Variants in PLPP4 observed in about 807,000 individuals in gnomAD.
The protein encoded by PLPP4 is diacylglycerol pyrophosphate like 2.
In PLPP4, 20 loss-of-function variants were observed where a neutral mutation model predicts 32.2. That is an observed-to-expected ratio of 0.62 (90% CI 0.44 to 0.90). PLPP4 has a LOEUF of 0.90. PLPP4 is among the 40% of genes least tolerant of loss of function. PLPP4 has a pLI of 0.00. For synonymous variants in PLPP4, 127 were observed against 133.0 expected (o/e 0.95, Z 0.31); for missense variants, 257 against 353.1 (o/e 0.73, Z 2.18).
chr10:120,514,671 A>G (rs903750458), intron 3 of PLPP4, among the ~76,000 whole-genome samples: 1 of 152,206 alleles, frequency 6.6e-6, no homozygotes, highest in African/African-American at 2.4e-5. Flanking sequence ...TGATAATCAA[A>G]TCCTGAGTAA....
intron 3 of PLPP4, among the ~76,000 whole-genome samples, chr10:120,514,282 C>T (rs72836013): frequency 0.09 from 13,653 of 152,174 alleles, 802 homozygotes; most frequent in South Asian, 0.17. Flanking sequence ...GCGCAGACTC[C>T]GGGTAGCTCT....
At chr10:120,581,492 T>A (rs1466933566) in intron 6 of PLPP4, 2 of 161,896 alleles carry the variant, frequency 1.2e-5, no homozygotes, top group Non-Finnish European at 2.6e-5. Context: ...CTCATTTCAC[T>A]CAGCATCACA....
At chr10:120,513,814 A>G (rs1328108348) in intron 2 of PLPP4, 97 bp from the exon 3 acceptor site, 1 of 908,076 alleles carries the variant, frequency 1.1e-6, no homozygotes, top group African/African-American at 1.7e-5. Flanking sequence ...TTATTCAACC[A>G]GGGAGTCTAA....
intron 5 of PLPP4, among the ~76,000 whole-genome samples, chr10:120,574,166 ACACTCTCT>A (rs1564850197): frequency 2.3e-3 from 108 of 47,986 alleles, no homozygotes; most frequent in Middle Eastern, 0.012. Context: ...ACACACACAC[ACACTCTCT>A]CTCTCTCTCT....
chr10:120,504,518 G>A (rs1845407572), intron 2 of PLPP4, among the ~76,000 whole-genome samples: 2 of 152,378 alleles, frequency 1.3e-5, no homozygotes, highest in South Asian at 4.1e-4. Context: ...ACATGCCTGA[G>A]TAAGCCAAAG....
intron 5 of PLPP4, among the ~76,000 whole-genome samples, chr10:120,543,808 T>C (rs1378641564): frequency 6.6e-6 from 1 of 152,192 alleles, no homozygotes; most frequent in Non-Finnish European, 1.5e-5. Context: ...ACCACTCTGT[T>C]TTCCGCCTGT....
intron 5 of PLPP4, among the ~76,000 whole-genome samples, chr10:120,528,069 G>GTTTTTTTTTTTTTTTTTTTT (rs35501001): frequency 1.2e-5 from 1 of 84,270 alleles, no homozygotes; most frequent in Non-Finnish European, 2.2e-5. Context: ...ACCACTCTCC[G>GTTTTTTTTTTTTTTTTTTTT]TTTTTTTTTT....
At chr10:120,588,806 G>A (rs1328914424) in intron 6 of PLPP4, among the ~76,000 whole-genome samples, 1 of 152,258 alleles carries the variant, frequency 6.6e-6, no homozygotes, top group Non-Finnish European at 1.5e-5. Flanking sequence ...AGCGCTTTGG[G>A]AGGCCGAGGT....
intron 4 of PLPP4, 69 bp downstream of exon 4, chr10:120,518,965 A>C: frequency 7.9e-7 from 1 of 1,268,604 alleles, no homozygotes; most frequent in Non-Finnish European, 1.1e-6. Context: ...GCTGGGCCAG[A>C]GGACACTGGA....
rs1845376552 is a variant in PLPP4 at position 120,503,811 on chromosome 10, G to A, written c.57-7G>A. 6.2e-7 allele frequency: 1 copy of A among 1,610,284 alleles called. No individual in the cohort carries two copies. The highest frequency in any genetic ancestry group is 1.7e-4 in the Middle Eastern group (1 of 6,046). Reference sequence around the variant, plus strand: ...AACCTTCATGTACTTTTCTTTTTATGTTTCAGTTTTACAGAGTTTTTGGAT... The same window carrying A: ...AACCTTCATGTACTTTTCTTTTTATATTTCAGTTTTACAGAGTTTTTGGAT... On this transcript the variant is annotated splice_polypyrimidine_tract_variant and splice_region_variant and intron_variant, in intron 1 of 6. Coordinates refer to ENST00000398250, the MANE Select transcript of PLPP4 (RefSeq NM_001030059.3).
At chr10:120,578,550 G>A (rs537409965) in intron 6 of PLPP4, among the ~76,000 whole-genome samples, 2 of 152,220 alleles carry the variant, frequency 1.3e-5, no homozygotes, top group African/African-American at 4.8e-5. Context: ...CCAATTACTC[G>A]ATTACACATT....
intron 2 of PLPP4, among the ~76,000 whole-genome samples, chr10:120,505,994 A>G (rs1845471580): frequency 2.0e-5 from 3 of 152,254 alleles, no homozygotes. Flanking sequence ...TCCTAGATTT[A>G]TGAACAATGG....
chr10:120,533,318 G>A (rs1226763055), intron 5 of PLPP4, among the ~76,000 whole-genome samples: 1 of 152,096 alleles, frequency 6.6e-6, no homozygotes, highest in Non-Finnish European at 1.5e-5. Context: ...TATCTTATCT[G>A]CAAAATTTTC....
chr10:120,521,178 G>C lies in PLPP4; in HGVS notation c.445+83G>C, dbSNP rs1050379615. 3 of 1,528,336 alleles carry C rather than the reference G, an allele frequency of 2.0e-6. No individual in the cohort carries two copies. In the Admixed American group the frequency reaches 5.6e-5, roughly 28 times the overall value. 94.7% of individuals were successfully genotyped at this position (1,528,336 alleles called of 1,614,324 possible). The stretch of plus-strand genomic sequence containing the variant: ...TTTGGGAATTTAGGTGCAGAGAAAA[G>C]CACTGGTACAGGAATGTTAAGCGCA... On this transcript the variant is annotated intron_variant, in intron 5 of 6. Transcript: ENST00000398250.
chr10:120,485,640 G>A (rs1165299305), intron 1 of PLPP4, among the ~76,000 whole-genome samples: 2 of 152,176 alleles, frequency 1.3e-5, no homozygotes, highest in Non-Finnish European at 2.9e-5. Context: ...TGAATTTCTT[G>A]CCATATTTTT....
At chr10:120,560,544 C>T (rs987166832) in intron 5 of PLPP4, among the ~76,000 whole-genome samples, 4 of 152,134 alleles carry the variant, frequency 2.6e-5, no homozygotes, top group African/African-American at 9.7e-5. Flanking sequence ...CACCTAAAGT[C>T]AGGAGTTTGA....
At chr10:120,472,587 C>G (rs927604807) in intron 1 of PLPP4, among the ~76,000 whole-genome samples, 1 of 152,020 alleles carries the variant, frequency 6.6e-6, no homozygotes, top group African/African-American at 2.4e-5. Flanking sequence ...TTTCCCATTT[C>G]TTTTCATTGA....
intron 6 of PLPP4, among the ~76,000 whole-genome samples, chr10:120,587,708 G>T (rs898964452): frequency 1.3e-5 from 2 of 152,320 alleles, no homozygotes; most frequent in South Asian, 4.1e-4. Context: ...TGCAATGCAC[G>T]TTTCTAAGCA....
chr10:120,476,828 G>T (rs953504649), intron 1 of PLPP4, among the ~76,000 whole-genome samples: 9 of 152,170 alleles, frequency 5.9e-5, no homozygotes, highest in Admixed American at 6.5e-5. Flanking sequence ...TACCTGGCAC[G>T]CAGGGAGAAC....
Sources: gnomAD v4.1 joint callset for allele counts (sites outside exome capture counted in the v4.1 genomes callset) on GRCh38, gnomAD v4.1.1 for gene constraint, MANE v1.5 for transcripts, NCBI Gene and HGNC (gene_info 2026-07-23, HGNC 2026-07-21) for gene names.